Variants in NDUFA10 observed in about 807,000 individuals in gnomAD.
NDUFA10 encodes the protein NADH dehydrogenase [ubiquinone] 1 alpha subcomplex subunit 10, mitochondrial.
NDUFA10 carries 40 observed loss-of-function variants against 47.8 expected under a neutral mutation model. That is an observed-to-expected ratio of 0.84 (90% confidence interval 0.65 to 1.09). The LOEUF is 1.09. Among genes scored for constraint, NDUFA10 ranks in the 50% least tolerant of loss-of-function variants. The probability of loss-of-function intolerance (pLI) is 0.00; values close to 1 mark genes in which losing one functional copy is unlikely to be tolerated. For missense variants in NDUFA10, 413 were observed against 451.1 expected (o/e 0.92, Z 0.76); for synonymous variants, 183 against 172.2 (o/e 1.06, Z -0.49).
intron 4 of NDUFA10, among the ~76,000 whole-genome samples, chr2:239,910,870 C>T (rs558349581): frequency 6.6e-6 from 1 of 152,340 alleles, no homozygotes; most frequent in East Asian, 1.9e-4. Context: ...CTTCTGGAGG[C>T]CCCGGCTCCT....
At position 239,906,490 on chromosome 2, in the gene NDUFA10, C is replaced by T. The variant is rs1043909182; in HGVS notation, c.295-11176G>A. Reference sequence around the variant, plus strand: ...GGGCCCCCACGCCAATTCATGGAGTCCCCGCACTTATAGTGCCTCCCATTG... The same window carrying T: ...GGGCCCCCACGCCAATTCATGGAGTTCCCGCACTTATAGTGCCTCCCATTG... On this transcript the variant is annotated intron_variant, in intron 4 of 5. Coordinates refer to the NDUFA10 transcript ENST00000419408. This position sits in a 1 kb window ranked among gnomAD's most constrained non-coding sequence, Gnocchi z 4.3. Among the ~76,000 whole-genome samples, 4 of 152,184 alleles carry T rather than the reference C, an allele frequency of 2.6e-5. No homozygotes were observed. Among genetic ancestry groups the T allele is most frequent in the African/African-American group, 9.7e-5 (4 of 41,444 alleles).
At chr2:239,910,745 C>T (rs997177918) in intron 4 of NDUFA10, among the ~76,000 whole-genome samples, 1 of 152,146 alleles carries the variant, frequency 6.6e-6, no homozygotes, top group Non-Finnish European at 1.5e-5. Flanking sequence ...AAATAATAAT[C>T]ATGTGACCGA....
At chr2:239,982,781 A>G (rs1229038348) in intron 9 of NDUFA10, among the ~76,000 whole-genome samples, 2 of 152,266 alleles carry the variant, frequency 1.3e-5, no homozygotes, top group African/African-American at 4.8e-5. Context: ...TGTTTTCAAA[A>G]GAAGGAAAAG....
chr2:239,920,662 G>A (rs1003982640), intron 4 of NDUFA10, among the ~76,000 whole-genome samples: 10 of 152,238 alleles, frequency 6.6e-5, no homozygotes, highest in Non-Finnish European at 1.3e-4. Context: ...CTGGAAGGAA[G>A]CAACTCTGAA....
intron 9 of NDUFA10, among the ~76,000 whole-genome samples, chr2:239,967,167 G>A (rs898926375): frequency 2.0e-5 from 3 of 152,222 alleles, no homozygotes; most frequent in Non-Finnish European, 2.9e-5. Flanking sequence ...CGCAGCCATC[G>A]GAATGGGTTG....
intron 4 of NDUFA10, among the ~76,000 whole-genome samples, chr2:239,941,326 C>T (rs1417598581): frequency 6.6e-6 from 1 of 152,178 alleles, no homozygotes; most frequent in Non-Finnish European, 1.5e-5. Context: ...AAAGTATCTT[C>T]ACAAACAGGG....
chr2:240,018,313 C>A (rs981757480), intron 4 of NDUFA10: 2 of 1,209,954 alleles, frequency 1.7e-6, no homozygotes, highest in African/African-American at 1.5e-5. Context: ...TGTTTGAGGT[C>A]CAGGGCTCCA....
downstream of NDUFA10, among the ~76,000 whole-genome samples, chr2:239,954,982 T>C (rs1364127456): frequency 2.0e-5 from 3 of 152,264 alleles, no homozygotes; most frequent in Non-Finnish European, 2.9e-5. Context: ...TCTAGGCAGC[T>C]GGGATTCCTT....
chr2:239,969,458 T>C (rs1378083129), intron 9 of NDUFA10: 2 of 336,872 alleles, frequency 5.9e-6, no homozygotes, highest in Non-Finnish European at 1.2e-5. Context: ...ATCTGCTGCC[T>C]GTTCATGCCA....
chr2:239,915,563 G>GAC (rs143003378), intron 4 of NDUFA10, among the ~76,000 whole-genome samples: 23,897 of 132,678 alleles, frequency 0.18, 2,273 homozygotes, highest in African/African-American at 0.28. Context: ...CACATACACA[G>GAC]ACACAAATAT....
chr2:239,976,153 A>G (rs1695507113), intron 9 of NDUFA10, among the ~76,000 whole-genome samples: 2 of 152,316 alleles, frequency 1.3e-5, no homozygotes, highest in South Asian at 4.1e-4. Context: ...AGTTCTTCAC[A>G]CTGCAATTCC....
At chr2:239,919,736 C>T (rs1299977520) in intron 4 of NDUFA10, among the ~76,000 whole-genome samples, 2 of 152,192 alleles carry the variant, frequency 1.3e-5, no homozygotes, top group African/African-American at 4.8e-5. Flanking sequence ...GAGAATACCT[C>T]GTTTTCCAAA....
intron 9 of NDUFA10, among the ~76,000 whole-genome samples, chr2:239,968,053 GCTGTGTCCTAA>G (rs1292394480): frequency 3.3e-5 from 5 of 151,230 alleles, no homozygotes; most frequent in African/African-American, 7.3e-5. Context: ...CTGGTGAAAC[GCTGTGTCCTAA>G]CTACTTTGAG....
In NDUFA10 at chr2:239,960,527, T is replaced by C. The variant is rs1694808639; in HGVS notation, c.*591A>G. On this transcript the variant is annotated 3_prime_UTR_variant, in exon 10 of 10. Transcript: ENST00000252711. ...TATTGTTCTGTAAATCTGTGGTAAT[T>C]TTCTCCTTTTGCTATTTCTTCTTCA... 7.0e-6 allele frequency: 7 copies of C among 998,478 alleles called. No homozygotes were observed. The highest frequency in any genetic ancestry group is 3.5e-5 in the African/African-American group (2 of 57,590). The allele number at this position is 998,478 out of a possible 1,614,324, so 61.9% of individuals were successfully genotyped here.
rs1041915794 is a variant in NDUFA10, at chr2:239,960,444, G to T, written c.*674C>A. 4 of 988,218 alleles carry T rather than the reference G, an allele frequency of 4.0e-6. No homozygotes were observed. The African/African-American group carries it at 5.2e-5, about 13-fold the overall frequency. The allele number at this position is 988,218 out of a possible 1,614,324, so 61.2% of individuals were successfully genotyped here. On this transcript the variant is annotated 3_prime_UTR_variant, in exon 10 of 10. Transcript: ENST00000252711. Reference sequence around the variant, plus strand: ...GCCTAAGCTCAAATCTCCCTTCAAAGGAGTTTGAGACGCTGAGGACGGCCA... The same window carrying T: ...GCCTAAGCTCAAATCTCCCTTCAAATGAGTTTGAGACGCTGAGGACGGCCA...
chr2:239,920,669 TG>T (rs760377268), intron 4 of NDUFA10, among the ~76,000 whole-genome samples: 3 of 152,158 alleles, frequency 2.0e-5, no homozygotes, highest in Non-Finnish European at 2.9e-5. Flanking sequence ...GAAGCAACTC[TG>T]AAGGTAAAGG....
At chr2:240,011,957 C>G in intron 5 of NDUFA10, 2 of 475,974 alleles carry the variant, frequency 4.2e-6, no homozygotes, top group Non-Finnish European at 7.8e-6. Context: ...ATACTTAGGG[C>G]AAGAAAGATG....
At chr2:239,961,256 T>A in intron 9 of NDUFA10, 70 bp from the exon 10 acceptor site, 1 of 1,611,002 alleles carries the variant, frequency 6.2e-7, no homozygotes, top group African/African-American at 1.3e-5. Flanking sequence ...CATAGTTCAA[T>A]GTCTACCCGG....
intron 4 of NDUFA10, among the ~76,000 whole-genome samples, chr2:239,930,253 C>T (rs1421126560): frequency 7.5e-6 from 1 of 134,080 alleles, no homozygotes; most frequent in African/African-American, 2.6e-5. Flanking sequence ...GCCCCTAGTC[C>T]TCCGCCAGCC....
Sources: allele counts gnomAD v4.1 joint callset (sites outside exome capture counted in the v4.1 genomes callset), GRCh38; gene constraint gnomAD v4.1.1; non-coding constraint Gnocchi (gnomAD v3.1); transcripts MANE v1.5; gene names NCBI Gene and HGNC (gene_info 2026-07-23, HGNC 2026-07-21).